SLC9A9: variants seen among roughly 807,000 people sequenced by gnomAD.
SLC9A9 encodes the protein sodium/hydrogen exchanger 9.
SLC9A9 carries 62 observed loss-of-function variants against 77.8 expected under a neutral mutation model. The observed-to-expected ratio is 0.80, with a 90% confidence interval of 0.65 to 0.98. SLC9A9 has a LOEUF of 0.98. SLC9A9 is among the 50% of genes least tolerant of loss of function. SLC9A9 has a pLI of 0.00. For synonymous variants in SLC9A9, 320 were observed against 283.5 expected, an observed-to-expected ratio of 1.13 and a Z score of -1.29; for missense variants, 775 against 774.9, an observed-to-expected ratio of 1.00 and a Z score of 0.00.
At chr3:143,770,995 T>C (rs548279105) in intron 4 of SLC9A9, among the ~76,000 whole-genome samples, 2 of 152,182 alleles carry the variant, frequency 1.3e-5, no homozygotes, top group East Asian at 1.9e-4. Flanking sequence ...TGCACATTCA[T>C]GTATCCTGGA....
chr3:143,299,600 C>A (rs939177423), intron 14 of SLC9A9, among the ~76,000 whole-genome samples: 13 of 152,242 alleles, frequency 8.5e-5, no homozygotes, highest in African/African-American at 2.9e-4. Flanking sequence ...CCTGCCACCT[C>A]ATCTGGCTAA....
At chr3:143,373,605 T>TAAAAAAAAAA (rs67376157) in intron 13 of SLC9A9, among the ~76,000 whole-genome samples, 16 of 58,600 alleles carry the variant, frequency 2.7e-4, no homozygotes, top group Middle Eastern at 0.017. Context: ...ACTGAAATAG[T>TAAAAAAAAAA]AAAAAAAAAA....
At chr3:143,707,225 T>C (rs913005124) in intron 4 of SLC9A9, among the ~76,000 whole-genome samples, 1 of 152,180 alleles carries the variant, frequency 6.6e-6, no homozygotes, top group African/African-American at 2.4e-5. Context: ...TTATCTGTCA[T>C]TGGATGGGAC....
chr3:143,581,647 C>T (rs1409561011), intron 6 of SLC9A9, among the ~76,000 whole-genome samples: 1 of 152,148 alleles, frequency 6.6e-6, no homozygotes, highest in East Asian at 1.9e-4. Context: ...TTGTTTCTCC[C>T]TTTAAAAAGG....
At chr3:143,848,092 C>T in intron 1 of SLC9A9, 56 bp downstream of exon 1, 1 of 1,502,164 alleles carries the variant, frequency 6.7e-7, no homozygotes, top group Non-Finnish European at 9.3e-7. Flanking sequence ...GAGCACAAGT[C>T]TCTAATTACG....
rs1485032790 is a variant in SLC9A9, at chr3:143,720,825, C to CAAAGGAATAA, written c.534-27519_534-27518insTTATTCCTTT. 8.7e-3 allele frequency among the ~76,000 whole-genome samples: 1,258 copies of CAAAGGAATAA among 144,888 alleles called. 18 individuals are homozygous for CAAAGGAATAA. The highest frequency in any genetic ancestry group is 0.035 in the African/African-American group (1,211 of 34,618). On this transcript the variant is annotated intron_variant, in intron 4 of 15. Transcript: ENST00000316549. Reference sequence around the variant, plus strand: ...ATTCAAATCGCTTTTCTGGGTCCAGCCCATATTGGCTGTCTAGGGATGGGA... The same window carrying CAAAGGAATAA: ...ATTCAAATCGCTTTTCTGGGTCCAGCAAAGGAATAACCATATTGGCTGTCTAGGGATGGGA...
At chr3:143,268,545 A>G (rs1475913905) in intron 15 of SLC9A9, among the ~76,000 whole-genome samples, 2 of 151,966 alleles carry the variant, frequency 1.3e-5, no homozygotes, top group African/African-American at 2.4e-5. Flanking sequence ...CATCCTGGGT[A>G]AAATGGTGAA....
rs571894796 is a variant in SLC9A9 at position 143,840,918 on chromosome 3, A to G, written c.175+7230T>C. Among the ~76,000 whole-genome samples, 12 of 152,342 alleles carry G rather than the reference A, an allele frequency of 7.9e-5. No homozygotes were observed. The South Asian group carries it at 1.7e-3, about 21-fold the overall frequency. On this transcript the variant is annotated intron_variant, in intron 1 of 15. Transcript: ENST00000316549. ...CTAAAGATGATCTTGCCTATTTAGC[A>G]TGGTTGTTGTGAGGATTAGTGATAA...
In SLC9A9 at chr3:143,328,565, C is replaced by T. The variant is rs141757943; in HGVS notation, c.1604+34919G>A. On this transcript the variant is annotated intron_variant, in intron 14 of 15. Transcript: ENST00000316549. ...CATCTTCCCGATTCAAAACCCTACA[C>T]GGTATTCAAAGCCCAGTGCAATGCC... Among the ~76,000 whole-genome samples, 40 of 152,306 alleles carry T rather than the reference C, an allele frequency of 2.6e-4. No individual in the cohort carries two copies. In the East Asian group the frequency reaches 6.4e-3, roughly 24 times the overall value.
At chr3:143,772,022 A>ATATGTGTG (rs1553791132) in intron 4 of SLC9A9, among the ~76,000 whole-genome samples, 2 of 141,622 alleles carry the variant, frequency 1.4e-5, no homozygotes, top group Non-Finnish European at 3.1e-5. Flanking sequence ...CATCCCCAGA[A>ATATGTGTG]TGTGTGTGTG....
intron 11 of SLC9A9, among the ~76,000 whole-genome samples, chr3:143,481,779 G>C (rs2035579035): frequency 6.6e-6 from 1 of 152,202 alleles, no homozygotes. Flanking sequence ...GCATGGAAGT[G>C]TCCCCTTTAC....
intron 4 of SLC9A9, among the ~76,000 whole-genome samples, chr3:143,723,575 G>A (rs1193127988): frequency 1.3e-5 from 2 of 152,228 alleles, no homozygotes; most frequent in Non-Finnish European, 2.9e-5. Flanking sequence ...TATCGAAAAT[G>A]TGTATTTTCA....
intron 1 of SLC9A9, among the ~76,000 whole-genome samples, chr3:143,842,793 CACTA>C (rs1301730827): frequency 6.6e-6 from 1 of 152,186 alleles, no homozygotes; most frequent in African/African-American, 2.4e-5. Context: ...GCTGAAATAA[CACTA>C]ACTAAAATCT....
chr3:143,626,549 A>G (rs1238341195), intron 6 of SLC9A9, among the ~76,000 whole-genome samples: 5 of 146,640 alleles, frequency 3.4e-5, no homozygotes, highest in Non-Finnish European at 7.5e-5. Flanking sequence ...TCTCACTCAT[A>G]GGTGGGAATT....
At chr3:143,590,831 C>A (rs1220165214) in intron 6 of SLC9A9, among the ~76,000 whole-genome samples, 5 of 152,146 alleles carry the variant, frequency 3.3e-5, no homozygotes, top group Non-Finnish European at 7.4e-5. Flanking sequence ...GCTTTCATGG[C>A]AAGATCACCA....
chr3:143,345,547 T>C (rs758141608), intron 14 of SLC9A9, among the ~76,000 whole-genome samples: 33 of 152,024 alleles, frequency 2.2e-4, no homozygotes, highest in Non-Finnish European at 4.0e-4. Context: ...ACCAGATAAG[T>C]GGGTTGAGGA....
intron 12 of SLC9A9, among the ~76,000 whole-genome samples, chr3:143,390,710 GCT>G (rs2033541253): frequency 6.6e-6 from 1 of 152,226 alleles, no homozygotes; most frequent in Admixed American, 6.5e-5. Flanking sequence ...GTCAAGGGAA[GCT>G]GTGACAGACA....
intron 5 of SLC9A9, among the ~76,000 whole-genome samples, chr3:143,673,383 C>T (rs1200451514): frequency 2.6e-5 from 4 of 151,960 alleles, no homozygotes; most frequent in Admixed American, 6.6e-5. Flanking sequence ...TGATGATTGT[C>T]GACACGAATT....
At chr3:143,518,657 C>CAT (rs1452141162) in intron 9 of SLC9A9, among the ~76,000 whole-genome samples, 2 of 152,296 alleles carry the variant, frequency 1.3e-5, no homozygotes, top group East Asian at 3.9e-4. Context: ...AATAATGCTG[C>CAT]ATATATTGCT....
Sources: allele counts gnomAD v4.1 joint callset (sites outside exome capture counted in the v4.1 genomes callset), GRCh38; gene constraint gnomAD v4.1.1; transcripts MANE v1.5; gene names NCBI Gene and HGNC (gene_info 2026-07-23, HGNC 2026-07-21).